Variants in ABCA4 observed in about 807,000 individuals in gnomAD.
ABCA4 encodes ATP binding cassette subfamily A member 4.
A neutral mutation model predicts 263.7 loss-of-function variants in ABCA4; 196 were observed. The ratio of observed to expected loss-of-function variants is 0.74; its 90% CI spans 0.66 to 0.84. The LOEUF is 0.84. Among genes scored for constraint, ABCA4 ranks in the 40% least tolerant of loss-of-function variants. The probability of loss-of-function intolerance (pLI) is 0.00; values close to 1 mark genes in which losing one functional copy is unlikely to be tolerated. For synonymous variants in ABCA4, 1,133 were observed against 1,094.2 expected (o/e 1.04, Z -0.70); for missense variants, 2,792 against 2,855.1 (o/e 0.98, Z 0.50).
At position 94,032,106 on chromosome 1, in the gene ABCA4, A is replaced by ATT. The variant is rs4147892; in HGVS notation, c.3863-65_3863-64dup. 3.4e-6 allele frequency: 5 copies of ATT among 1,458,054 alleles called. No homozygotes were observed. In the South Asian group the frequency reaches 3.7e-5, roughly 11 times the overall value. The allele number at this position is 1,458,054 out of a possible 1,614,324, so 90.3% of individuals were successfully genotyped here. On this transcript the variant is annotated intron_variant, in intron 26 of 49. Transcript: ENST00000370225. ...CTATAAGGTCTGGATCTCTAATGCCATTTTTTTTTTCCCTTACAGCATTGA... is the reference window on the plus strand; with the variant it reads ...CTATAAGGTCTGGATCTCTAATGCCATTTTTTTTTTTTCCCTTACAGCATTGA...
intron 14 of ABCA4, chr1:94,059,792 T>A (rs996650616): frequency 6.6e-6 from 1 of 152,386 alleles, no homozygotes; most frequent in African/African-American, 2.4e-5. Flanking sequence ...ATCCTTATCA[T>A]TTAACAAGTA....
chr1:94,107,418 G>T (rs1238643152), intron 4 of ABCA4, among the ~76,000 whole-genome samples: 2 of 152,218 alleles, frequency 1.3e-5, no homozygotes, highest in Non-Finnish European at 2.9e-5. Context: ...GTGGGATCCA[G>T]TGGCCATGTC....
chr1:94,087,924 C>T (rs1218890959), intron 6 of ABCA4, among the ~76,000 whole-genome samples: 1 of 152,176 alleles, frequency 6.6e-6, no homozygotes, highest in African/African-American at 2.4e-5. Flanking sequence ...CCATCACTGT[C>T]GTCATGCTGT....
chr1:94,079,592 A>C, intron 8 of ABCA4, 131 bp from the exon 9 acceptor site: 1 of 1,346,610 alleles, frequency 7.4e-7, no homozygotes. Flanking sequence ...ACCTAAATTA[A>C]TAGGCTGTAC....
At chr1:94,028,805 G>A (rs547227833) in intron 30 of ABCA4, among the ~76,000 whole-genome samples, 7 of 151,414 alleles carry the variant, frequency 4.6e-5, no homozygotes, top group African/African-American at 7.3e-5. Flanking sequence ...CACTACTCGG[G>A]GGGGCTGAGG....
At position 94,108,617 on chromosome 1, in the gene ABCA4, T is replaced by C. The variant is rs1662505446; in HGVS notation, c.402A>G (p.Gln134=). The C allele has an allele frequency of 6.2e-7, 1 of 1,613,676 alleles. No individual in the cohort carries two copies. Among genetic ancestry groups the C allele is most frequent in the Non-Finnish European group, 8.5e-7 (1 of 1,180,010 alleles). ...RIWTELHILS[Q]FMDTLRTHPE... The stretch of plus-strand genomic sequence containing the variant: ...GGTGAGTCCGGAGGGTGTCCATGAA[T>C]TGGGACAAGATGTGTAGCTCTGTCC... The change falls in exon 4 of 50, where the codon CAA becomes CAG. Residue 134 remains glutamine (Q), a synonymous_variant. Transcript: ENST00000370225.
rs768654199 is a variant in ABCA4, at chr1:94,005,534, A to C, written c.6054T>G (p.Pro2018=). The C allele has an allele frequency of 4.3e-6, 7 of 1,614,012 alleles. No homozygotes were observed. The African/African-American group carries it at 9.3e-5, about 22-fold the overall frequency. ...SEVHQNMGYC[P]QFDAIDELLT... Reference sequence around the variant, plus strand: ...GCAGCTCATCAATTGCATCAAACTGAGGACAGTAGCCCATATTTTGATGGA... The same window carrying C: ...GCAGCTCATCAATTGCATCAAACTGCGGACAGTAGCCCATATTTTGATGGA... Residue 2018 remains proline, a synonymous_variant, in exon 44 of 50, where the codon CCT becomes CCG. Coordinates refer to ENST00000370225, the MANE Select transcript of ABCA4 (RefSeq NM_000350.3).
intron 19 of ABCA4, among the ~76,000 whole-genome samples, chr1:94,046,290 A>AT: frequency 7.8e-6 from 1 of 128,054 alleles, no homozygotes; most frequent in East Asian, 2.1e-4. Flanking sequence ...TAAAAAAAAA[A>AT]AAAAAAAAAA....
chr1:94,095,620 AGAGGATCG>A (rs1662105095), intron 6 of ABCA4, among the ~76,000 whole-genome samples: 1 of 151,842 alleles, frequency 6.6e-6, no homozygotes, highest in South Asian at 2.1e-4. Flanking sequence ...TGCTCCTTTC[AGAGGATCG>A]GAGGGTCTGC....
At chr1:94,080,831 T>C in intron 7 of ABCA4, 113 bp from the exon 8 acceptor site, 1 of 1,473,528 alleles carries the variant, frequency 6.8e-7, no homozygotes, top group Non-Finnish European at 9.4e-7. Context: ...AAAACATCCA[T>C]ATATTCTCAG....
Position 94,089,091 on chromosome 1 carries a change from T to C in ABCA4, c.769-5650A>G, listed in dbSNP as rs1029829114. Among the ~76,000 whole-genome samples the C allele has an allele frequency of 2.6e-5, 4 of 152,210 alleles. No individual in the cohort carries two copies. The South Asian group carries it at 6.2e-4, about 24-fold the overall frequency. On this transcript the variant is annotated intron_variant, in intron 6 of 49. Coordinates refer to ENST00000370225, the MANE Select transcript of ABCA4 (RefSeq NM_000350.3). ...TCTGGTCTTGAAACTCCACCACACA[T>C]CACATGAACACTTTGGAAAGCATCT... is the stretch of plus-strand genomic sequence containing the variant.
intron 49 of ABCA4, 121 bp from the exon 50 acceptor site, chr1:93,993,363 CTG>C: frequency 1.6e-6 from 2 of 1,269,208 alleles, no homozygotes; most frequent in Non-Finnish European, 2.3e-6. Flanking sequence ...GCTGAGGGCA[CTG>C]TGATTCTGTC....
At position 94,002,202 on chromosome 1, in the gene ABCA4, C is replaced by T. The variant is rs555948569; in HGVS notation, c.6148-210G>A. 2.0e-5 allele frequency among the ~76,000 whole-genome samples: 3 copies of T among 152,274 alleles called. No individual in the cohort carries two copies. In the East Asian group the frequency reaches 5.8e-4, roughly 29 times the overall value. On this transcript the variant is annotated intron_variant, in intron 44 of 49. Transcript: ENST00000370225. Reference sequence around the variant, plus strand: ...CTCTGTGTCTTGGATCCCAGGGTGGCCCAGCCTGCTCAGCATCTGTTGGGT... The same window carrying T: ...CTCTGTGTCTTGGATCCCAGGGTGGTCCAGCCTGCTCAGCATCTGTTGGGT...
intron 16 of ABCA4, among the ~76,000 whole-genome samples, chr1:94,054,494 T>G (rs909072349): frequency 4.0e-5 from 6 of 151,876 alleles, no homozygotes; most frequent in African/African-American, 1.5e-4. Context: ...CTTAACAAAG[T>G]AAGGAAGCAA....
intron 11 of ABCA4, among the ~76,000 whole-genome samples, chr1:94,076,366 C>T (rs576803421): frequency 4.6e-5 from 7 of 152,094 alleles, no homozygotes; most frequent in Admixed American, 2.6e-4. Flanking sequence ...TGAGCAGAGG[C>T]GAGTAGAAAA....
intron 36 of ABCA4, among the ~76,000 whole-genome samples, chr1:94,017,317 T>A (rs1047707226): frequency 6.6e-6 from 1 of 152,180 alleles, no homozygotes; most frequent in Admixed American, 6.5e-5. Context: ...CCTGATAGGA[T>A]GCAGTGAGAA....
chr1:94,077,729 G>A lies in ABCA4; in HGVS notation c.1515C>T (p.Ile505=), dbSNP rs1313296054. 1 of 1,614,118 alleles carries A rather than the reference G, an allele frequency of 6.2e-7. No individual in the cohort carries two copies. Among genetic ancestry groups the A allele is most frequent in the Non-Finnish European group, 8.5e-7 (1 of 1,179,990 alleles). Residue 505 remains isoleucine, a synonymous_variant, in exon 11 of 50, where the codon ATC becomes ATT. Coordinates refer to ENST00000370225, the MANE Select transcript of ABCA4 (RefSeq NM_000350.3). ...TGACCAGGCGGAGGGTGCGATCAGT[G>A]ATGTTAAATATGTCCCTCCAGTCGA... ...ANFDWRDIFN[I]TDRTLRLVNQ...
chr1:94,083,796 G>C (rs1455726417), intron 6 of ABCA4, among the ~76,000 whole-genome samples: 1 of 152,192 alleles, frequency 6.6e-6, no homozygotes, highest in African/African-American at 2.4e-5. Context: ...AGGAAGTGCT[G>C]CGGGCCTGGG....
At chr1:94,108,803 C>T (rs1006708331) in intron 3 of ABCA4, 87 bp from the exon 4 acceptor site, 180 of 1,458,750 alleles carry the variant, frequency 1.2e-4, no homozygotes, top group East Asian at 1.7e-4. Flanking sequence ...TTTTTTATCT[C>T]GCTCTGTCAC....
Sources: allele counts gnomAD v4.1 joint callset (sites outside exome capture counted in the v4.1 genomes callset), GRCh38; gene constraint gnomAD v4.1.1; transcripts MANE v1.5; gene names NCBI Gene and HGNC (gene_info 2026-07-23, HGNC 2026-07-21).